SLC24A2: variants seen among roughly 807,000 people sequenced by gnomAD.
SLC24A2 encodes the protein sodium/potassium/calcium exchanger 2.
SLC24A2 carries 36 observed loss-of-function variants against 62.0 expected under a neutral mutation model. The observed-to-expected ratio is 0.58, with a 90% CI of 0.44 to 0.77. The LOEUF (loss-of-function observed/expected upper bound fraction) is 0.77, where lower values mean the gene tolerates loss of function less well. Ranked by LOEUF, SLC24A2 falls within the 30% of genes least tolerant of loss-of-function variation. SLC24A2 has a pLI of 0.00. For missense variants in SLC24A2, 846 were observed against 817.9 expected (o/e 1.03, Z -0.42); for synonymous variants, 358 against 294.0 (o/e 1.22, Z -2.23).
chr9:20,064,520 A>T, the SLC24A2 span, among the ~76,000 whole-genome samples: 6,330 of 152,288 alleles, frequency 0.042, 150 homozygotes, highest in South Asian at 0.064. Context: ...GGGAAAAAAA[A>T]GCCAAGAAAA....
Position 19,510,669 on chromosome 9 carries a change from A to T in SLC24A2, c.*5484T>A, listed in dbSNP as rs1832682944. 1 of 152,212 alleles carries T rather than the reference A, an allele frequency of 6.6e-6. No homozygotes were observed. Among genetic ancestry groups the T allele is most frequent in the South Asian group, 2.1e-4 (1 of 4,836 alleles). The allele number at this position is 152,212 out of a possible 1,614,324, so 9.4% of individuals were successfully genotyped here. On this transcript the variant is annotated 3_prime_UTR_variant, in exon 11 of 11. Transcript: ENST00000341998. ...TGGAAGCCTAGGCAAACTCCATGGC[A>T]TTCTTTCAGACTTAGATATTTGTCT...
chr9:20,226,543 G>A, the SLC24A2 span, among the ~76,000 whole-genome samples: 1 of 152,204 alleles, frequency 6.6e-6, no homozygotes, highest in East Asian at 1.9e-4. Flanking sequence ...TTGGCAGGTG[G>A]GCGGCCAGAG....
chr9:19,699,077 G>A (rs1820281244), intron 2 of SLC24A2, among the ~76,000 whole-genome samples: 1 of 152,140 alleles, frequency 6.6e-6, no homozygotes, highest in Non-Finnish European at 1.5e-5. Context: ...TGGAATTCCT[G>A]CCTAGAGGTG....
chr9:19,960,658 G>A, the SLC24A2 span, among the ~76,000 whole-genome samples: 5 of 152,344 alleles, frequency 3.3e-5, no homozygotes, highest in Middle Eastern at 3.4e-3. Flanking sequence ...GTGTCCCACA[G>A]ATGTATGGTG....
At chr9:19,563,621 G>C (rs1448233612) in intron 7 of SLC24A2, among the ~76,000 whole-genome samples, 5 of 152,152 alleles carry the variant, frequency 3.3e-5, no homozygotes, top group African/African-American at 9.7e-5. Flanking sequence ...AATCATAGCT[G>C]CAACTTTAAA....
At chr9:20,045,658 C>A in the SLC24A2 span, among the ~76,000 whole-genome samples, 2 of 151,972 alleles carry the variant, frequency 1.3e-5, no homozygotes, top group African/African-American at 4.8e-5. Flanking sequence ...CTCTTGAATT[C>A]CTGACCTCGT....
the SLC24A2 span, among the ~76,000 whole-genome samples, chr9:20,204,586 T>C: frequency 1.3e-5 from 2 of 152,052 alleles, no homozygotes; most frequent in African/African-American, 4.8e-5. Flanking sequence ...CAATGGGAGG[T>C]AAAGCTGCTG....
the SLC24A2 span, among the ~76,000 whole-genome samples, chr9:20,151,306 A>G: frequency 6.6e-6 from 1 of 151,898 alleles, no homozygotes; most frequent in Non-Finnish European, 1.5e-5. Flanking sequence ...GATTTTATAG[A>G]TCTTTTAACC....
At chr9:19,530,896 A>G (rs1188944051) in intron 8 of SLC24A2, among the ~76,000 whole-genome samples, 1 of 152,228 alleles carries the variant, frequency 6.6e-6, no homozygotes, top group Non-Finnish European at 1.5e-5. Context: ...AAACTAGGTC[A>G]GCCTGACTGT....
chr9:19,840,027 A>G, the SLC24A2 span, among the ~76,000 whole-genome samples: 15 of 152,314 alleles, frequency 9.8e-5, no homozygotes, highest in East Asian at 2.9e-3. Context: ...TGCATTTCTA[A>G]GAATGTATAC....
At chr9:20,231,738 C>A in the SLC24A2 span, among the ~76,000 whole-genome samples, 4 of 152,156 alleles carry the variant, frequency 2.6e-5, no homozygotes, top group African/African-American at 4.8e-5. Flanking sequence ...CTTACTCCTG[C>A]CTGATTGCCC....
At chr9:19,706,289 G>C (rs1258170257) in intron 2 of SLC24A2, among the ~76,000 whole-genome samples, 2 of 151,532 alleles carry the variant, frequency 1.3e-5, no homozygotes, top group Admixed American at 6.6e-5. Flanking sequence ...TTGCTTGGTA[G>C]ATCTTTCTCC....
At chr9:19,907,437 C>A in the SLC24A2 span, among the ~76,000 whole-genome samples, 1 of 152,336 alleles carries the variant, frequency 6.6e-6, no homozygotes, top group African/African-American at 2.4e-5. Context: ...TGCCCTCTCT[C>A]ATCACTCCTA....
At chr9:19,763,263 CAG>C (rs1357217148) in intron 2 of SLC24A2, among the ~76,000 whole-genome samples, 1 of 152,164 alleles carries the variant, frequency 6.6e-6, no homozygotes, top group Non-Finnish European at 1.5e-5. Context: ...CATCTGCAAA[CAG>C]AGATAATTTG....
chr9:19,629,550 T>C (rs140444510), intron 2 of SLC24A2, among the ~76,000 whole-genome samples: 158 of 152,348 alleles, frequency 1.0e-3, no homozygotes, highest in Non-Finnish European at 1.7e-3. Context: ...TTGAAGGTCA[T>C]AGGGGCACTT....
At chr9:19,777,364 A>G (rs1401170517) in intron 2 of SLC24A2, among the ~76,000 whole-genome samples, 1 of 152,226 alleles carries the variant, frequency 6.6e-6, no homozygotes, top group African/African-American at 2.4e-5. Context: ...ATTCAACACT[A>G]CTAAGTATGT....
At chr9:19,893,374 G>C in the SLC24A2 span, among the ~76,000 whole-genome samples, 1 of 152,130 alleles carries the variant, frequency 6.6e-6, no homozygotes, top group Admixed American at 6.5e-5. Flanking sequence ...TAGTTCCTGG[G>C]AAGGCTAGGC....
At chr9:19,655,737 G>A (rs889914833) in intron 2 of SLC24A2, among the ~76,000 whole-genome samples, 10 of 152,134 alleles carry the variant, frequency 6.6e-5, no homozygotes, top group African/African-American at 2.2e-4. Flanking sequence ...CAAGAAGGCT[G>A]GTGGATAATG....
the SLC24A2 span, among the ~76,000 whole-genome samples, chr9:20,141,677 T>C: frequency 6.6e-6 from 1 of 151,928 alleles, no homozygotes. Flanking sequence ...ATCATGATGC[T>C]GCCCTTTCTA....
Sources: gnomAD v4.1 joint callset for allele counts (sites outside exome capture counted in the v4.1 genomes callset) on GRCh38, gnomAD v4.1.1 for gene constraint, MANE v1.5 for transcripts, NCBI Gene and HGNC (gene_info 2026-07-23, HGNC 2026-07-21) for gene names.